The following HPX variants were observed in gnomAD, a reference collection of about 807,000 sequenced individuals.
The protein encoded by HPX is hemopexin, also known as beta-1B-glycoprotein.
HPX carries 42 observed loss-of-function variants against 53.8 expected under a neutral mutation model. The observed-to-expected ratio is 0.78, with a 90% CI of 0.61 to 1.01. The LOEUF (loss-of-function observed/expected upper bound fraction) is 1.01, where lower values mean the gene tolerates loss of function less well. Among genes scored for constraint, HPX ranks in the 50% least tolerant of loss-of-function variants. HPX has a pLI of 0.00. For synonymous variants in HPX, 229 were observed against 221.1 expected, an observed-to-expected ratio of 1.04 and a Z score of -0.32; for missense variants, 547 against 594.3, an observed-to-expected ratio of 0.92 and a Z score of 0.83.
rs759397208 is a variant in HPX, at chr11:6,431,725, C to A, written c.1045G>T (p.Val349Phe). ...SGYPKRLEKE[V>F]GTPHGIILDS... The stretch of plus-strand genomic sequence containing the variant: ...AGGATAATCCCATGAGGGGTCCCGA[C>A]TTCCTTCTCCAGCCGCTTCGGATAA... Residue 349 changes from valine to phenylalanine, a missense_variant, in exon 9 of 10, where the codon GTC (valine) becomes TTC (phenylalanine). Coordinates refer to ENST00000265983, the MANE Select transcript of HPX (RefSeq NM_000613.3). 10 of 1,614,112 alleles carry A rather than the reference C, an allele frequency of 6.2e-6. No homozygotes were observed.
intron 4 of HPX, among the ~76,000 whole-genome samples, chr11:6,438,820 C>T (rs560787944): frequency 5.9e-5 from 9 of 152,312 alleles, no homozygotes; most frequent in South Asian, 2.1e-4. Flanking sequence ...ATCACCCATA[C>T]GTTATTTCTT....
intron 1 of HPX, 74 bp from the exon 2 acceptor site, chr11:6,440,804 A>C: frequency 6.3e-7 from 1 of 1,592,156 alleles, no homozygotes; most frequent in Non-Finnish European, 8.6e-7. Flanking sequence ...CCCAAATTTG[A>C]CCGAGGCCTA....
chr11:6,431,732 C>A lies in HPX; in HGVS notation c.1038G>T (p.Glu346Asp). 6.2e-7 allele frequency: 1 copy of A among 1,614,212 alleles called. No individual in the cohort carries two copies. Among genetic ancestry groups the A allele is most frequent in the Non-Finnish European group, 8.5e-7 (1 of 1,180,050 alleles). The change falls in exon 9 of 10, where the codon GAG (glutamate) becomes GAT (aspartate). Residue 346 changes from glutamate (E) to aspartate (D), a missense_variant. Physicochemically the swap from Glu to Asp is conservative, Grantham distance 45 (BLOSUM62 2). Coordinates refer to ENST00000265983, the MANE Select transcript of HPX (RefSeq NM_000613.3). Reference sequence around the variant, plus strand: ...TCCCATGAGGGGTCCCGACTTCCTTCTCCAGCCGCTTCGGATAACCGCTTA... The same window carrying A: ...TCCCATGAGGGGTCCCGACTTCCTTATCCAGCCGCTTCGGATAACCGCTTA... ...TLVSGYPKRLEKEVGTPHGII... is the reference protein window; with the variant it reads ...TLVSGYPKRLDKEVGTPHGII...
chr11:6,432,219 C>T, intron 7 of HPX: 1 of 607,874 alleles, frequency 1.6e-6, no homozygotes, highest in Non-Finnish European at 2.9e-6. Flanking sequence ...CTGGAATCAG[C>T]AGGTGCCTGA....
At chr11:6,438,319 C>T (rs780606791) in intron 5 of HPX, 37 bp downstream of exon 5, 3 of 1,607,562 alleles carry the variant, frequency 1.9e-6, no homozygotes, top group South Asian at 2.2e-5. Flanking sequence ...ACCAACCCAC[C>T]ACTACTCCAG....
chr11:6,432,059 C>T, intron 7 of HPX, 42 bp from the exon 8 acceptor site: 1 of 1,611,710 alleles, frequency 6.2e-7, no homozygotes, highest in South Asian at 1.1e-5. Context: ...CTGGCAGAAG[C>T]CCAGGCAGAG....
At chr11:6,434,072 C>T (rs975556994) in intron 7 of HPX, among the ~76,000 whole-genome samples, 19 of 152,100 alleles carry the variant, frequency 1.2e-4, no homozygotes, top group African/African-American at 4.3e-4. Flanking sequence ...TCTTATTGTC[C>T]TCTCTCACTT....
rs1256858867 is a variant in HPX at position 6,440,546 on chromosome 11, G to A, written c.143-8C>T. ...AGCCATCTGAGCAGCGTTCTGGGGT[G>A]GAGGTAGGGAGATGGCAAAGTAAAA... On this transcript the variant is annotated splice_region_variant and splice_polypyrimidine_tract_variant and intron_variant, in intron 2 of 9. Transcript: ENST00000265983. 2 of 1,330,914 alleles carry A rather than the reference G, an allele frequency of 1.5e-6. No homozygotes were observed. The highest frequency in any genetic ancestry group is 2.4e-5 in the East Asian group (1 of 41,910). 82.4% of individuals were successfully genotyped at this position (1,330,914 alleles called of 1,614,324 possible).
chr11:6,431,131 G>A lies in HPX; in HGVS notation c.*80C>T, dbSNP rs1849341056. ...CAGACTCATGTCAGAAGGCCCCTCAGTGAGAAGCGAAGAAGCAATCTGTCT... is the reference window on the plus strand; with the variant it reads ...CAGACTCATGTCAGAAGGCCCCTCAATGAGAAGCGAAGAAGCAATCTGTCT... On this transcript the variant is annotated 3_prime_UTR_variant, in exon 10 of 10. Coordinates refer to ENST00000265983, the MANE Select transcript of HPX (RefSeq NM_000613.3). 1 of 1,568,112 alleles carries A rather than the reference G, an allele frequency of 6.4e-7. No homozygotes were observed. Among genetic ancestry groups the A allele is most frequent in the South Asian group, 1.2e-5 (1 of 85,594 alleles).
At chr11:6,431,575 G>T in intron 9 of HPX, 66 bp downstream of exon 9, 1 of 1,607,788 alleles carries the variant, frequency 6.2e-7, no homozygotes, top group Non-Finnish European at 8.5e-7. Flanking sequence ...TCATGCCCTG[G>T]TGGGGATCTA....
chr11:6,436,901 G>A lies in HPX; in HGVS notation c.835+145C>T. The A allele has an allele frequency of 3.5e-6, 3 of 850,582 alleles. No individual in the cohort carries two copies. In the South Asian group the frequency reaches 4.8e-5, roughly 14 times the overall value. 52.7% of individuals were successfully genotyped at this position (850,582 alleles called of 1,614,324 possible). ...TTGAGAAATATGCCTCAGAGATGAG[G>A]GATGCAGAAGGGCATGCAGAAGGAT... On this transcript the variant is annotated intron_variant, in intron 7 of 9. Coordinates refer to ENST00000265983, the MANE Select transcript of HPX (RefSeq NM_000613.3).
At chr11:6,436,971 G>A (rs1849424697) in intron 7 of HPX, 75 bp downstream of exon 7, 1 of 1,504,556 alleles carries the variant, frequency 6.6e-7, no homozygotes, top group South Asian at 1.2e-5. Context: ...TGACAATGGA[G>A]AAATGTGTCA....
intron 6 of HPX, 47 bp downstream of exon 6, chr11:6,437,393 G>C (rs1245099291): frequency 6.5e-7 from 1 of 1,547,980 alleles, no homozygotes; most frequent in Non-Finnish European, 8.9e-7. Context: ...CAAGCTCAGG[G>C]AAAGTGGATG....
At chr11:6,432,713 T>C (rs1849365737) in intron 7 of HPX, among the ~76,000 whole-genome samples, 1 of 152,208 alleles carries the variant, frequency 6.6e-6, no homozygotes, top group African/African-American at 2.4e-5. Context: ...TTAAATGTCT[T>C]TTTTTGGAAC....
In HPX at chr11:6,440,916, T is replaced by C. The variant is rs770984618; in HGVS notation, c.48A>G (p.Leu16=). ...GGGTGGCAATGGCCAGAGACCAGCATAGGCTCCACAACCCCAGTGCAACGG... is the reference window on the plus strand; with the variant it reads ...GGGTGGCAATGGCCAGAGACCAGCACAGGCTCCACAACCCCAGTGCAACGG... ...GAPVALGLWS[L]CWSLAIATPL... is the part of the protein sequence containing the mutation. Residue 16 remains leucine, a synonymous_variant, in exon 1 of 10, where the codon CTA becomes CTG. Coordinates refer to ENST00000265983, the MANE Select transcript of HPX (RefSeq NM_000613.3). 1.9e-6 allele frequency: 3 copies of C among 1,612,588 alleles called. No individual in the cohort carries two copies. The highest frequency in any genetic ancestry group is 2.2e-5 in the East Asian group (1 of 44,866).
At chr11:6,436,440 G>A (rs7949274) in intron 7 of HPX, among the ~76,000 whole-genome samples, 13 of 152,268 alleles carry the variant, frequency 8.5e-5, no homozygotes, top group African/African-American at 2.4e-4. Flanking sequence ...TTGATGCCAC[G>A]GGTCAAGGGA....
At chr11:6,436,942 A>C in intron 7 of HPX, 104 bp downstream of exon 7, 1 of 1,320,044 alleles carries the variant, frequency 7.6e-7, no homozygotes, top group Admixed American at 1.8e-5. Flanking sequence ...CAGAGGGGAC[A>C]AAATAAGTGA....
intron 5 of HPX, 174 bp downstream of exon 5, chr11:6,438,182 C>G: frequency 1.2e-5 from 8 of 674,230 alleles, no homozygotes; most frequent in Non-Finnish European, 1.6e-5. Context: ...ACCAGAATGA[C>G]TTCCTCTCCT....
intron 7 of HPX, chr11:6,432,358 T>C (rs1849362450): frequency 4.0e-6 from 1 of 252,686 alleles, no homozygotes. Context: ...TGAAATACAG[T>C]GTCCAGAACT....
Sources: allele counts gnomAD v4.1 joint callset (sites outside exome capture counted in the v4.1 genomes callset), GRCh38; gene constraint gnomAD v4.1.1; transcripts MANE v1.5; gene names NCBI Gene and HGNC (gene_info 2026-07-23, HGNC 2026-07-21).